LEMD3: variants seen among roughly 807,000 people sequenced by gnomAD.
LEMD3 encodes the protein LEM domain containing 3.
LEMD3 carries 33 observed loss-of-function variants against 95.2 expected under a neutral mutation model. The observed-to-expected ratio is 0.35, with a 90% CI of 0.26 to 0.46. The LOEUF is 0.46. LEMD3 is among the 20% of genes least tolerant of loss of function. The pLI, the probability that LEMD3 is intolerant of heterozygous loss-of-function variation, is 1.00. For synonymous variants in LEMD3, 525 were observed against 474.6 expected (o/e 1.11, Z -1.38); for missense variants, 1,210 against 1,192.8 (o/e 1.01, Z -0.21).
chr12:65,226,686 T>C (rs1396717219), intron 4 of LEMD3, among the ~76,000 whole-genome samples: 3 of 152,196 alleles, frequency 2.0e-5, no homozygotes, highest in Non-Finnish European at 4.4e-5. Context: ...GGAGTCAAAT[T>C]CTGGTACTGC....
intron 1 of LEMD3, among the ~76,000 whole-genome samples, chr12:65,190,286 C>T (rs1869197705): frequency 6.6e-6 from 1 of 152,122 alleles, no homozygotes; most frequent in African/African-American, 2.4e-5. Context: ...AACATTTAAC[C>T]TGAAAGACTG....
In LEMD3 at chr12:65,206,405, A is replaced by C. The variant is rs11175674; in HGVS notation, c.1523-4521A>C. On this transcript the variant is annotated intron_variant, in intron 1 of 12. Coordinates refer to ENST00000308330, the MANE Select transcript of LEMD3 (RefSeq NM_014319.5). Reference sequence around the variant, plus strand: ...TAGAATTGCTGCCCTCCAGGACTGAACTGTCTTTGAGGACAGGGCTTATAT... The same window carrying C: ...TAGAATTGCTGCCCTCCAGGACTGACCTGTCTTTGAGGACAGGGCTTATAT... Among the ~76,000 whole-genome samples the C allele has an allele frequency of 0.015, 2,320 of 152,218 alleles. 87 individuals are homozygous for C. The East Asian group carries it at 0.17, about 11-fold the overall frequency.
chr12:65,244,603 T>C (rs1871039368), intron 10 of LEMD3, among the ~76,000 whole-genome samples: 1 of 152,094 alleles, frequency 6.6e-6, no homozygotes, highest in Non-Finnish European at 1.5e-5. Context: ...TCAAATGTAG[T>C]ATTTACTAAG....
intron 4 of LEMD3, among the ~76,000 whole-genome samples, chr12:65,221,343 A>G (rs892804002): frequency 2.6e-5 from 4 of 151,978 alleles, no homozygotes; most frequent in Admixed American, 2.0e-4. Flanking sequence ...TGATTTTTGT[A>G]TATTGATTTT....
intron 1 of LEMD3, among the ~76,000 whole-genome samples, chr12:65,185,745 G>C (rs1869041633): frequency 6.6e-6 from 1 of 151,628 alleles, no homozygotes; most frequent in South Asian, 2.1e-4. Flanking sequence ...ATCAGTTGTA[G>C]TGTTGAAATG....
intron 1 of LEMD3, among the ~76,000 whole-genome samples, chr12:65,187,155 T>G (rs2136322384): frequency 6.6e-6 from 1 of 152,234 alleles, no homozygotes; most frequent in East Asian, 1.9e-4. Flanking sequence ...TTAAAAGGGT[T>G]TTAGAAGCCA....
chr12:65,226,082 TG>T (rs1249722302), intron 4 of LEMD3, among the ~76,000 whole-genome samples: 1 of 152,180 alleles, frequency 6.6e-6, no homozygotes, highest in African/African-American at 2.4e-5. Context: ...CATGCCGAGC[TG>T]GGGGTAGGGA....
chr12:65,184,611 A>G (rs1157143254), intron 1 of LEMD3, among the ~76,000 whole-genome samples: 1 of 152,134 alleles, frequency 6.6e-6, no homozygotes, highest in African/African-American at 2.4e-5. Flanking sequence ...ACTTTAAAAG[A>G]TTCAATAACT....
chr12:65,194,389 A>G (rs570603357), intron 1 of LEMD3, among the ~76,000 whole-genome samples: 1 of 152,182 alleles, frequency 6.6e-6, no homozygotes, highest in African/African-American at 2.4e-5. Context: ...CCTCCCTGAA[A>G]ATTTGGAGGC....
chr12:65,193,046 A>C (rs1486545869), intron 1 of LEMD3, among the ~76,000 whole-genome samples: 1 of 152,152 alleles, frequency 6.6e-6, no homozygotes, highest in Non-Finnish European at 1.5e-5. Flanking sequence ...TGTGCTGTAT[A>C]ATACATGATG....
At chr12:65,243,271 G>A (rs1870988337) in intron 9 of LEMD3, 117 bp from the exon 10 acceptor site, 1 of 712,526 alleles carries the variant, frequency 1.4e-6, no homozygotes, top group Non-Finnish European at 2.6e-6. Flanking sequence ...CATCTAACCA[G>A]GGGTCTGGCT....
chr12:65,177,526 T>C (rs1311072622), intron 1 of LEMD3, among the ~76,000 whole-genome samples: 1 of 152,154 alleles, frequency 6.6e-6, no homozygotes, highest in East Asian at 1.9e-4. Flanking sequence ...GGGCTTATTA[T>C]TTGAGTTGTT....
At chr12:65,240,097 CAAGT>C in intron 7 of LEMD3, 35 bp from the exon 8 acceptor site, 1 of 1,502,588 alleles carries the variant, frequency 6.7e-7, no homozygotes, top group Non-Finnish European at 9.2e-7. Flanking sequence ...TACATTATGT[CAAGT>C]GATTGATTCA....
chr12:65,237,995 G>A (rs1046445194), intron 4 of LEMD3, among the ~76,000 whole-genome samples: 1 of 152,190 alleles, frequency 6.6e-6, no homozygotes, highest in South Asian at 2.1e-4. Context: ...CAAGCCAGGC[G>A]CAGTGGCTCA....
intron 1 of LEMD3, among the ~76,000 whole-genome samples, chr12:65,209,283 T>C (rs952151202): frequency 6.6e-6 from 1 of 152,132 alleles, no homozygotes; most frequent in Admixed American, 6.6e-5. Flanking sequence ...CAAAAAGTAA[T>C]TTTGTGTATA....
chr12:65,201,242 C>G (rs1869592249), intron 1 of LEMD3, among the ~76,000 whole-genome samples: 1 of 152,076 alleles, frequency 6.6e-6, no homozygotes, highest in African/African-American at 2.4e-5. Flanking sequence ...CAGTCTCCCA[C>G]CTTTGTTCTT....
chr12:65,204,174 A>ATTTTTTT (rs879289495), intron 1 of LEMD3, among the ~76,000 whole-genome samples: 1 of 134,982 alleles, frequency 7.4e-6, no homozygotes. Flanking sequence ...TTTTTTTTTC[A>ATTTTTTT]TTTTTTTTTT....
intron 4 of LEMD3, among the ~76,000 whole-genome samples, chr12:65,229,649 T>C (rs565610629): frequency 2.6e-5 from 4 of 152,358 alleles, no homozygotes; most frequent in Middle Eastern, 3.4e-3. Context: ...TGGGCATTTT[T>C]CCATATGCCT....
chr12:65,187,711 A>G (rs772791688), intron 1 of LEMD3, among the ~76,000 whole-genome samples: 11 of 152,082 alleles, frequency 7.2e-5, no homozygotes, highest in Non-Finnish European at 1.5e-4. Context: ...CCTTGAAATT[A>G]TATGTACATT....
Sources: allele counts gnomAD v4.1 joint callset (sites outside exome capture counted in the v4.1 genomes callset), GRCh38; gene constraint gnomAD v4.1.1; transcripts MANE v1.5; gene names NCBI Gene and HGNC (gene_info 2026-07-23, HGNC 2026-07-21).